SYNJ1: variants seen among roughly 807,000 people sequenced by gnomAD.
The protein encoded by SYNJ1 is synaptojanin 1.
SYNJ1 carries 78 observed loss-of-function variants against 168.2 expected under a neutral mutation model. The ratio of observed to expected loss-of-function variants is 0.46; its 90% CI spans 0.39 to 0.56. SYNJ1 has a LOEUF of 0.56. SYNJ1 is among the 20% of genes least tolerant of loss of function. The pLI is 0.00. For missense variants in SYNJ1, 1,303 were observed against 1,597.6 expected, an observed-to-expected ratio of 0.82 and a Z score of 3.14; for synonymous variants, 539 against 548.6, an observed-to-expected ratio of 0.98 and a Z score of 0.24.
Position 32,681,569 on chromosome 21 carries a change from G to A in SYNJ1, c.1280C>T (p.Ser427Leu). 1 of 1,613,774 alleles carries A rather than the reference G, an allele frequency of 6.2e-7. No homozygotes were observed. The highest frequency in any genetic ancestry group is 8.5e-7 in the Non-Finnish European group (1 of 1,179,848). ...LVTRFQEVFR[S>L]MWSVNGDSIS... ...TGAATCACCATTCACGGACCACATTGACCGAAAAACTTCTTGAAAGCGAGT... is the reference window on the plus strand; with the variant it reads ...TGAATCACCATTCACGGACCACATTAACCGAAAAACTTCTTGAAAGCGAGT... The change falls in exon 11 of 33, where the codon TCA (serine) becomes TTA (leucine). Residue 427 changes from serine (S) to leucine (L), a missense_variant. Around this residue, in one of 2 missense-constraint regions of SYNJ1, gnomAD observed 920 missense variants for 1,208.8 expected, o/e 0.76. Coordinates refer to ENST00000674351, the MANE Select transcript of SYNJ1 (RefSeq NM_203446.3).
At chr21:32,678,864 T>C in intron 11 of SYNJ1, 63 bp from the exon 12 acceptor site, 2 of 1,562,920 alleles carry the variant, frequency 1.3e-6, no homozygotes, top group South Asian at 1.2e-5. Flanking sequence ...TTTTACTCAT[T>C]AGGTTTTTTG....
chr21:32,702,775 C>T (rs1450532070), intron 2 of SYNJ1, among the ~76,000 whole-genome samples: 1 of 152,184 alleles, frequency 6.6e-6, no homozygotes, highest in African/African-American at 2.4e-5. Flanking sequence ...ATCTACACCA[C>T]ACTCAACTCA....
intron 8 of SYNJ1, 135 bp from the exon 9 acceptor site, chr21:32,686,052 G>C: frequency 1.2e-6 from 1 of 811,246 alleles, no homozygotes; most frequent in Non-Finnish European, 1.9e-6. Context: ...TGAGAGATAC[G>C]GTGACACAAT....
intron 12 of SYNJ1, 99 bp from the exon 13 acceptor site, chr21:32,676,454 T>C (rs1455740787): frequency 1.8e-6 from 2 of 1,129,118 alleles, no homozygotes; most frequent in Non-Finnish European, 2.6e-6. Context: ...AAGACCTCAC[T>C]TAAGTCAATT....
chr21:32,641,834 T>C (rs983912933), intron 29 of SYNJ1, 62 bp downstream of exon 29: 3 of 1,266,778 alleles, frequency 2.4e-6, no homozygotes, highest in Non-Finnish European at 3.3e-6. Flanking sequence ...GTAACAAAAC[T>C]GACTAGTAGT....
chr21:32,688,297 T>C lies in SYNJ1; in HGVS notation c.851+9A>G, dbSNP rs2041901053. ...CAAAACTTAAAGCACTATGTAAAAA[T>C]TGTCTTACCTGTCAAAAGCAGGTGC... On this transcript the variant is annotated intron_variant, in intron 7 of 32. Transcript: ENST00000674351. 1.2e-6 allele frequency: 2 copies of C among 1,611,892 alleles called. No individual in the cohort carries two copies. The highest frequency in any genetic ancestry group is 2.2e-5 in the East Asian group (1 of 44,824).
At position 32,727,941 on chromosome 21, in the gene SYNJ1, C is replaced by T; in HGVS notation, c.-23+5G>A. ...CAGCTCCCCGCCCCCCGCCGGCTTG[C>T]TCACCTCTTCCTCCGGCTCCTCCTC... On this transcript the variant is annotated splice_donor_5th_base_variant and intron_variant, in intron 1 of 32. Coordinates refer to ENST00000674351, the MANE Select transcript of SYNJ1 (RefSeq NM_203446.3). The T allele has an allele frequency of 6.5e-7, 1 of 1,532,944 alleles. No individual in the cohort carries two copies. Among genetic ancestry groups the T allele is most frequent in the Non-Finnish European group, 8.7e-7 (1 of 1,145,800 alleles). 95.0% of individuals were successfully genotyped at this position (1,532,944 alleles called of 1,614,324 possible). A position where few individuals can be genotyped will look rare whatever the true frequency, so the allele number is the denominator to read the frequency against.
intron 8 of SYNJ1, among the ~76,000 whole-genome samples, chr21:32,686,568 G>T (rs1463249202): frequency 6.6e-6 from 1 of 152,130 alleles, no homozygotes; most frequent in Admixed American, 6.5e-5. Context: ...GTATAGCGTT[G>T]CATGTATATA....
intron 2 of SYNJ1, among the ~76,000 whole-genome samples, chr21:32,722,199 A>AT (rs2043253842): frequency 1.8e-5 from 2 of 114,256 alleles, no homozygotes; most frequent in South Asian, 2.6e-4. Flanking sequence ...GAAAAAAAAA[A>AT]AAAAAAATAT....
In SYNJ1 at chr21:32,727,927, C is replaced by T. The variant is rs2043549128; in HGVS notation, c.-23+19G>A. On this transcript the variant is annotated intron_variant, in intron 1 of 32. Transcript: ENST00000674351. ...GGGTCTGGCCGCAGCAGCTCCCCGC[C>T]CCCCGCCGGCTTGCTCACCTCTTCC... The T allele has an allele frequency of 6.5e-7, 1 of 1,532,182 alleles. No individual in the cohort carries two copies. The highest frequency in any genetic ancestry group is 1.4e-5 in the African/African-American group (1 of 72,620). 94.9% of individuals were successfully genotyped at this position (1,532,182 alleles called of 1,614,324 possible).
chr21:32,704,434 C>T (rs1261644108), intron 2 of SYNJ1, among the ~76,000 whole-genome samples: 3 of 152,152 alleles, frequency 2.0e-5, no homozygotes, highest in African/African-American at 4.8e-5. Flanking sequence ...CCCTACTTTA[C>T]GATATATGCT....
intron 2 of SYNJ1, among the ~76,000 whole-genome samples, chr21:32,709,436 C>CCTGGGCG (rs1252073548): frequency 2.0e-5 from 3 of 149,276 alleles, no homozygotes; most frequent in Admixed American, 2.0e-4. Context: ...AAGATCACAC[C>CCTGGGCG]ACCGCCTTTC....
At chr21:32,705,395 GT>G (rs2042571812) in intron 2 of SYNJ1, among the ~76,000 whole-genome samples, 1 of 152,234 alleles carries the variant, frequency 6.6e-6, no homozygotes, top group East Asian at 1.9e-4. Context: ...TGGAGAAATG[GT>G]TGATTCCAGG....
At chr21:32,644,377 A>G (rs2039975660) in intron 26 of SYNJ1, among the ~76,000 whole-genome samples, 1 of 152,250 alleles carries the variant, frequency 6.6e-6, no homozygotes, top group African/African-American at 2.4e-5. Flanking sequence ...CAATAGAAAC[A>G]GACCAGGCTA....
At chr21:32,687,367 T>A (rs2041872083) in intron 7 of SYNJ1, among the ~76,000 whole-genome samples, 1 of 152,156 alleles carries the variant, frequency 6.6e-6, no homozygotes, top group Non-Finnish European at 1.5e-5. Context: ...ACACCAGCCA[T>A]AAGCTTGACT....
chr21:32,668,035 G>A (rs2041017271), intron 15 of SYNJ1, among the ~76,000 whole-genome samples: 1 of 151,412 alleles, frequency 6.6e-6, no homozygotes, highest in African/African-American at 2.4e-5. Context: ...GTGTGTGTGT[G>A]TGTGTGTGTG....
chr21:32,657,622 A>T (rs2145857138), intron 19 of SYNJ1, 94 bp downstream of exon 19: 1 of 1,234,518 alleles, frequency 8.1e-7, no homozygotes, highest in East Asian at 2.6e-5. Context: ...ATGTTTCTTG[A>T]AAAACAATAT....
chr21:32,717,184 C>T (rs1427380432), intron 2 of SYNJ1, among the ~76,000 whole-genome samples: 2 of 152,168 alleles, frequency 1.3e-5, no homozygotes, highest in Non-Finnish European at 2.9e-5. Context: ...GTCTTGAACA[C>T]CTGACCTCAG....
chr21:32,694,069 G>A (rs2042118853), intron 6 of SYNJ1, among the ~76,000 whole-genome samples, 159 bp downstream of exon 6: 2 of 152,036 alleles, frequency 1.3e-5, no homozygotes, highest in African/African-American at 4.8e-5. Flanking sequence ...GATAATTCCA[G>A]AAACTCTGTA....
Sources: gnomAD v4.1 joint callset for allele counts (sites outside exome capture counted in the v4.1 genomes callset) on GRCh38, gnomAD v4.1.1 for gene constraint, gnomAD v4.1.1 regional missense constraint, MANE v1.5 for transcripts, NCBI Gene and HGNC (gene_info 2026-07-23, HGNC 2026-07-21) for gene names.